The following L3MBTL4 variants were observed in gnomAD, a reference collection of about 807,000 sequenced individuals.
L3MBTL4 encodes lethal(3)malignant brain tumor-like protein 4.
Under a neutral mutation model 84.5 loss-of-function variants are expected in L3MBTL4, and 70 were observed. The ratio of observed to expected loss-of-function variants is 0.83; its 90% CI spans 0.68 to 1.01. L3MBTL4 has a LOEUF of 1.01. L3MBTL4 is among the 50% of genes least tolerant of loss of function. L3MBTL4 has a pLI of 0.00. For missense variants in L3MBTL4, 715 were observed against 754.8 expected (o/e 0.95, Z 0.62); for synonymous variants, 274 against 259.8 (o/e 1.05, Z -0.52).
chr18:6,136,229 T>C (rs9957124), intron 14 of L3MBTL4, among the ~76,000 whole-genome samples: 2,588 of 152,234 alleles, frequency 0.017, 81 homozygotes, highest in African/African-American at 0.058. Flanking sequence ...TGAGTGAGGA[T>C]ACAGCCAAAC....
intron 1 of L3MBTL4, among the ~76,000 whole-genome samples, chr18:6,360,280 G>C (rs961322738): frequency 5.3e-5 from 8 of 152,114 alleles, no homozygotes; most frequent in African/African-American, 1.7e-4. Flanking sequence ...CTGACACGGG[G>C]GGATCCCTTA....
At chr18:5,977,431 C>A (rs570193836) in intron 16 of L3MBTL4, among the ~76,000 whole-genome samples, 11 of 152,298 alleles carry the variant, frequency 7.2e-5, no homozygotes, top group South Asian at 6.2e-4. Context: ...CCCCTGTCCT[C>A]TGCGCTTCTC....
chr18:6,342,949 A>G (rs554605015), intron 1 of L3MBTL4, among the ~76,000 whole-genome samples: 5 of 152,294 alleles, frequency 3.3e-5, no homozygotes, highest in African/African-American at 1.2e-4. Context: ...TTATATCAGA[A>G]AAAAAACTTC....
chr18:6,172,003 C>A, intron 12 of L3MBTL4, 61 bp from the exon 13 acceptor site: 1 of 781,764 alleles, frequency 1.3e-6, no homozygotes, highest in Middle Eastern at 2.3e-4. Context: ...ATTCCTGTAT[C>A]AAAATATTTG....
At position 6,038,193 on chromosome 18, in the gene L3MBTL4, T is replaced by C. The variant is rs914800915; in HGVS notation, c.1444+42688A>G. 6.6e-5 allele frequency among the ~76,000 whole-genome samples: 10 copies of C among 151,454 alleles called. 1 individual carries two copies. The highest frequency in any genetic ancestry group is 1.9e-4 in the African/African-American group (8 of 41,368). ...AGATAAAATAACTTACTTAGACATA[T>C]TTTTAACAGAGATACCAGAAAAAAA... On this transcript the variant is annotated intron_variant, in intron 16 of 18. Transcript: ENST00000317931.
intron 1 of L3MBTL4, among the ~76,000 whole-genome samples, chr18:6,312,763 T>G (rs76958735): frequency 1.5e-3 from 234 of 152,342 alleles, no homozygotes; most frequent in African/African-American, 5.5e-3. Context: ...GATATTTAAT[T>G]TACTAAACAT....
intron 14 of L3MBTL4, among the ~76,000 whole-genome samples, chr18:6,099,586 ATATATAT>A (rs1333356647): frequency 0.023 from 411 of 18,066 alleles, 49 homozygotes; most frequent in Middle Eastern, 0.042. Context: ...GATAATGTAA[ATATATAT>A]ATATATATAT....
intron 12 of L3MBTL4, among the ~76,000 whole-genome samples, chr18:6,207,871 G>A (rs1333141975): frequency 2.0e-5 from 3 of 152,088 alleles, no homozygotes; most frequent in African/African-American, 7.2e-5. Flanking sequence ...TTTGGGAGCC[G>A]AGGCAGGTGG....
intron 16 of L3MBTL4, among the ~76,000 whole-genome samples, chr18:6,002,965 T>G (rs2054280830): frequency 6.6e-6 from 1 of 150,952 alleles, no homozygotes; most frequent in Non-Finnish European, 1.5e-5. Context: ...TCATCTTAGA[T>G]CCAAAGACAC....
At chr18:6,314,601 T>C (rs1348846533) in intron 1 of L3MBTL4, among the ~76,000 whole-genome samples, 1 of 152,188 alleles carries the variant, frequency 6.6e-6, no homozygotes, top group African/African-American at 2.4e-5. Context: ...AAATTGAAAA[T>C]AGTGTACTAA....
chr18:6,409,284 A>G (rs1327571925), intron 1 of L3MBTL4, among the ~76,000 whole-genome samples: 1 of 152,208 alleles, frequency 6.6e-6, no homozygotes, highest in Non-Finnish European at 1.5e-5. Context: ...ATTTTTACTT[A>G]GAAATAAATC....
At chr18:6,362,042 A>C (rs532114721) in intron 1 of L3MBTL4, among the ~76,000 whole-genome samples, 29 of 150,536 alleles carry the variant, frequency 1.9e-4, no homozygotes, top group Admixed American at 2.0e-4. Flanking sequence ...CCAAGATTTC[A>C]AGGTTGCAGT....
chr18:6,065,390 T>A (rs1382056287), intron 16 of L3MBTL4, among the ~76,000 whole-genome samples: 1 of 152,074 alleles, frequency 6.6e-6, no homozygotes, highest in African/African-American at 2.4e-5. Flanking sequence ...GGATTCCTTC[T>A]TTATCTTTTG....
At chr18:6,123,813 T>C (rs2059603324) in intron 14 of L3MBTL4, among the ~76,000 whole-genome samples, 1 of 152,228 alleles carries the variant, frequency 6.6e-6, no homozygotes. Flanking sequence ...CAACAGTTAT[T>C]CTTAAATTAC....
At chr18:6,016,989 AGTGGTAAATGGCCCAGAGCAGAGGGG>A (rs138453404) in intron 16 of L3MBTL4, among the ~76,000 whole-genome samples, 27,333 of 151,638 alleles carry the variant, frequency 0.18, 4,760 homozygotes, top group African/African-American at 0.32. Flanking sequence ...GAGCAGAGGG[AGTGGTAAATGGCCCAGAGCAGAGGGG>A]GTGGTAAATG....
intron 1 of L3MBTL4, among the ~76,000 whole-genome samples, chr18:6,366,983 C>G (rs1249507135): frequency 6.6e-6 from 1 of 152,178 alleles, no homozygotes; most frequent in Non-Finnish European, 1.5e-5. Flanking sequence ...CCTGACTCAC[C>G]GAACCCAAGC....
At chr18:6,409,370 G>A (rs903624439) in intron 1 of L3MBTL4, among the ~76,000 whole-genome samples, 2 of 152,164 alleles carry the variant, frequency 1.3e-5, no homozygotes, top group Admixed American at 6.5e-5. Flanking sequence ...AAGAAGGAAC[G>A]ATGAAAATTA....
At chr18:6,031,249 T>G in intron 16 of L3MBTL4, 1 of 985,460 alleles carries the variant, frequency 1.0e-6, no homozygotes, top group African/African-American at 1.7e-5. Flanking sequence ...TGAGCTGATA[T>G]ATCTTCTGCT....
At chr18:6,173,639 G>T (rs1009107451) in intron 12 of L3MBTL4, among the ~76,000 whole-genome samples, 2 of 151,998 alleles carry the variant, frequency 1.3e-5, no homozygotes, top group Non-Finnish European at 2.9e-5. Context: ...AACTAGCCAG[G>T]TGTGTGGTGT....
Sources: gnomAD v4.1 joint callset for allele counts (sites outside exome capture counted in the v4.1 genomes callset) on GRCh38, gnomAD v4.1.1 for gene constraint, MANE v1.5 for transcripts, NCBI Gene and HGNC (gene_info 2026-07-23, HGNC 2026-07-21) for gene names.